The following PANX2 variants were observed in gnomAD, a reference collection of about 807,000 sequenced individuals.
PANX2 encodes the protein pannexin-2.
Under a neutral mutation model 38.7 loss-of-function variants are expected in PANX2, and 30 were observed. The observed-to-expected ratio is 0.78, with a 90% CI of 0.58 to 1.05. The LOEUF is 1.05. PANX2 is among the 50% of genes least tolerant of loss of function. PANX2 has a pLI of 0.00. For missense variants in PANX2, 880 were observed against 979.3 expected (o/e 0.90, Z 1.35); for synonymous variants, 539 against 472.1 (o/e 1.14, Z -1.84).
intron 1 of PANX2, among the ~76,000 whole-genome samples, chr22:50,172,763 C>T (rs2063639313): frequency 1.3e-5 from 2 of 149,442 alleles, no homozygotes; most frequent in Non-Finnish European, 3.0e-5. Context: ...AAGTCTCGCT[C>T]TGTCACCCAG....
In PANX2 at chr22:50,178,223, C is replaced by A. The variant is rs768269340; in HGVS notation, c.1511C>A (p.Ala504Asp). The change falls in exon 2 of 3, where the codon GCC becomes GAC. Residue 504 changes from alanine to aspartate, a missense_variant. Transcript: ENST00000395842. ...GPAPAPAPPP[A>D]PDKKHARHFS... ...GCCCCTGCCCCCGCCCCGCCGCCCG[C>A]CCCTGACAAGAAGCACGCGCGCCAC... is the stretch of plus-strand genomic sequence containing the variant. 1.3e-6 allele frequency: 2 copies of A among 1,493,548 alleles called. No individual in the cohort carries two copies. The highest frequency in any genetic ancestry group is 1.8e-6 in the Non-Finnish European group (2 of 1,130,094). 92.5% of individuals were successfully genotyped at this position (1,493,548 alleles called of 1,614,324 possible).
intron 1 of PANX2, among the ~76,000 whole-genome samples, chr22:50,173,138 C>CATCT (rs1296028141): frequency 4.6e-5 from 7 of 150,846 alleles, no homozygotes; most frequent in Non-Finnish European, 1.0e-4. Flanking sequence ...CCTCGTGATC[C>CATCT]GCCCACCTTG....
intron 1 of PANX2, among the ~76,000 whole-genome samples, chr22:50,174,422 G>A (rs2063651520): frequency 6.6e-6 from 1 of 152,190 alleles, no homozygotes; most frequent in African/African-American, 2.4e-5. Context: ...GGGCCGTGTT[G>A]GGGTGTATTC....
chr22:50,179,140 G>C lies in PANX2; in HGVS notation c.1897G>C (p.Glu633Gln), dbSNP rs541947611. The change falls in exon 3 of 3, where the codon GAG (glutamate) becomes CAG (glutamine). Residue 633 changes from glutamate to glutamine, a missense_variant. Transcript: ENST00000395842. ...HPLLHINTLYEAREEEDGGPR... is the reference protein window; with the variant it reads ...HPLLHINTLYQAREEEDGGPR... ...GCTGCTGCACATCAACACGCTGTAC[G>C]AGGCCCGGGAGGAGGAGGACGGGGG... The C allele has an allele frequency of 3.7e-6, 6 of 1,612,078 alleles. No individual in the cohort carries two copies. The African/African-American group carries it at 6.7e-5, about 18-fold the overall frequency.
At position 50,178,384 on chromosome 22, in the gene PANX2, G is replaced by C; in HGVS notation, c.1672G>C (p.Ala558Pro). 1 of 1,428,758 alleles carries C rather than the reference G, an allele frequency of 7.0e-7. No individual in the cohort carries two copies. Among genetic ancestry groups the C allele is most frequent in the Non-Finnish European group, 9.1e-7 (1 of 1,098,428 alleles). The allele number at this position is 1,428,758 out of a possible 1,614,324, so 88.5% of individuals were successfully genotyped here. A position where few individuals can be genotyped will look rare whatever the true frequency, so the allele number is the denominator to read the frequency against. ...GGCGGAGGACTGTGGGCTAGGCCTG[G>C]CCCCGGCGCCCATCAAAGGTAGGGG... The part of the protein sequence containing the change: ...SQAEDCGLGL[A>P]PAPIKDAPLP... The change falls in exon 2 of 3, where the codon GCC (alanine) becomes CCC (proline). Residue 558 changes from alanine (A) to proline (P), a missense_variant. Transcript: ENST00000395842.
In PANX2 at chr22:50,177,436, A is replaced by T; in HGVS notation, c.724A>T (p.Ile242Phe). 6.2e-7 allele frequency: 1 copy of T among 1,608,908 alleles called. No individual in the cohort carries two copies. Among genetic ancestry groups the T allele is most frequent in the Non-Finnish European group, 8.5e-7 (1 of 1,178,290 alleles). ...GATCCTGCTGCTGAGCGCCGTGCCCATCTCCTACCTGTGCACCTACTACGC... is the reference window on the plus strand; with the variant it reads ...GATCCTGCTGCTGAGCGCCGTGCCCTTCTCCTACCTGTGCACCTACTACGC... ...VLILLLSAVP[I>F]SYLCTYYATQ... The change falls in exon 2 of 3, where the codon ATC becomes TTC. Residue 242 changes from isoleucine to phenylalanine, a missense_variant. By Grantham distance (21) the Ile-to-Phe change is conservative. Transcript: ENST00000395842.
intron 1 of PANX2, among the ~76,000 whole-genome samples, chr22:50,176,358 G>A (rs1026512662): frequency 3.3e-5 from 5 of 152,232 alleles, no homozygotes; most frequent in Non-Finnish European, 7.3e-5. Context: ...CCTGGTGTCT[G>A]GTGTCCCCAG....
At chr22:50,175,555 G>A in intron 1 of PANX2, 1 of 777,276 alleles carries the variant, frequency 1.3e-6, no homozygotes, top group South Asian at 1.7e-5. Flanking sequence ...TCTTCTCTGA[G>A]CCCAGCTCAT....
At chr22:50,176,795 T>C (rs1384038105) in intron 1 of PANX2, 144 bp from the exon 2 acceptor site, 2 of 875,680 alleles carry the variant, frequency 2.3e-6, no homozygotes, top group South Asian at 1.9e-5. Context: ...GGGGTTCATC[T>C]GGGCAACCGC....
chr22:50,177,070 G>C lies in PANX2; in HGVS notation c.358G>C (p.Glu120Gln). 1 of 1,610,920 alleles carries C rather than the reference G, an allele frequency of 6.2e-7. No homozygotes were observed. Among genetic ancestry groups the C allele is most frequent in the Non-Finnish European group, 8.5e-7 (1 of 1,179,198 alleles). ...VDASLWPSLFEHKFLPYALLA... is the reference protein window; with the variant it reads ...VDASLWPSLFQHKFLPYALLA... Reference sequence around the variant, plus strand: ...CGCCAGCCTGTGGCCGTCGCTGTTTGAGCACAAGTTCCTGCCCTACGCGCT... The same window carrying C: ...CGCCAGCCTGTGGCCGTCGCTGTTTCAGCACAAGTTCCTGCCCTACGCGCT... Residue 120 changes from glutamate to glutamine, a missense_variant, in exon 2 of 3, where the codon GAG becomes CAG. Around this residue, in one of 4 missense-constraint regions of PANX2, gnomAD observed 243 missense variants for 333.1 expected, o/e 0.73. Transcript: ENST00000395842.
In PANX2 at chr22:50,178,068, G is replaced by A. The variant is rs1179172312; in HGVS notation, c.1356G>A (p.Val452=). 1.3e-6 allele frequency: 2 copies of A among 1,554,968 alleles called. No individual in the cohort carries two copies. Among genetic ancestry groups the A allele is most frequent in the East Asian group, 4.8e-5 (2 of 42,088 alleles). Residue 452 remains valine (V), a synonymous_variant, in exon 2 of 3, where the codon GTG becomes GTA. Coordinates refer to ENST00000395842, the MANE Select transcript of PANX2 (RefSeq NM_052839.4). The part of the protein sequence containing the change: ...PFKEPLAIMR[V]ENSKAEKPKP... ...AGGAGCCGCTGGCCATCATGCGCGT[G>A]GAGAACAGCAAGGCGGAGAAGCCGA...
At chr22:50,176,002 G>C (rs936023943) in intron 1 of PANX2, among the ~76,000 whole-genome samples, 1 of 152,236 alleles carries the variant, frequency 6.6e-6, no homozygotes, top group Non-Finnish European at 1.5e-5. Flanking sequence ...GCTGCTCTTT[G>C]GGGCTGGGAG....
Position 50,179,234 on chromosome 22 carries a change from C to G in PANX2, c.1991C>G (p.Thr664Ser). ...GCCCCACAGCAGATCCTCATCGCCA[C>G]CTTCGACGAGCCGAGAACGGTCGTG... The part of the protein sequence containing the change: ...IPAPQQILIA[T>S]FDEPRTVVST... Residue 664 changes from threonine (T) to serine (S), a missense_variant, in exon 3 of 3, where the codon ACC (threonine) becomes AGC (serine). Physicochemically the swap from Thr to Ser is moderately conservative, Grantham distance 58. Coordinates refer to ENST00000395842, the MANE Select transcript of PANX2 (RefSeq NM_052839.4). The G allele has an allele frequency of 6.2e-7, 1 of 1,612,716 alleles. No individual in the cohort carries two copies. Among genetic ancestry groups the G allele is most frequent in the South Asian group, 1.1e-5 (1 of 91,084 alleles).
chr22:50,171,038 G>A (rs1362923985), intron 1 of PANX2, 82 bp downstream of exon 1: 5 of 690,506 alleles, frequency 7.2e-6, no homozygotes, highest in Non-Finnish European at 8.6e-6. Flanking sequence ...CCGCGTCCCC[G>A]GCGGCTCCGT....
Position 50,177,941 on chromosome 22 carries a change from ACCCCGCCGAGCCCGACGG to A in PANX2, c.1231_1248del (p.Pro411_Gly416del). On this transcript the variant is annotated inframe_deletion, in exon 2 of 3. Transcript: ENST00000395842. ...GTGCAGACCGTGGACCCCAGCGCCA[ACCCCGCCGAGCCCGACGG>A]CGCCGCCGAGCCGCCCGTGGTCAAG... 1 of 1,530,720 alleles carries A rather than the reference ACCCCGCCGAGCCCGACGG, an allele frequency of 6.5e-7. No homozygotes were observed. The highest frequency in any genetic ancestry group is 8.7e-7 in the Non-Finnish European group (1 of 1,143,430). 94.8% of individuals were successfully genotyped at this position (1,530,720 alleles called of 1,614,324 possible). A position where few individuals can be genotyped will look rare whatever the true frequency, so the allele number is the denominator to read the frequency against.
intron 1 of PANX2, among the ~76,000 whole-genome samples, chr22:50,172,442 T>C (rs1338167577): frequency 2.0e-5 from 3 of 151,990 alleles, no homozygotes; most frequent in African/African-American, 4.8e-5. Context: ...CAAATTTCCT[T>C]TTTTTTTGAG....
intron 1 of PANX2, among the ~76,000 whole-genome samples, chr22:50,174,249 C>T (rs2063650397): frequency 6.6e-6 from 1 of 152,058 alleles, no homozygotes; most frequent in African/African-American, 2.4e-5. Context: ...CCCAGCTTCA[C>T]CCTTGGGGGG....
chr22:50,178,155 C>G lies in PANX2; in HGVS notation c.1443C>G (p.Ala481=). 6.6e-7 allele frequency: 1 copy of G among 1,518,568 alleles called. No homozygotes were observed. Among genetic ancestry groups the G allele is most frequent in the Non-Finnish European group, 8.8e-7 (1 of 1,141,058 alleles). 94.1% of individuals were successfully genotyped at this position (1,518,568 alleles called of 1,614,324 possible). A position where few individuals can be genotyped will look rare whatever the true frequency, so the allele number is the denominator to read the frequency against. Residue 481 remains alanine (A), a synonymous_variant, in exon 2 of 3, where the codon GCC becomes GCG. Coordinates refer to ENST00000395842, the MANE Select transcript of PANX2 (RefSeq NM_052839.4). The part of the protein sequence containing the change: ...TLIAPLLDRS[A]HHYKGGGGDP... ...TCGCGCCGCTGCTGGACCGCTCCGC[C>G]CACCACTACAAGGGCGGAGGGGGCG...
chr22:50,175,811 C>T (rs1431060305), intron 1 of PANX2, among the ~76,000 whole-genome samples: 2 of 152,220 alleles, frequency 1.3e-5, no homozygotes, highest in Non-Finnish European at 2.9e-5. Context: ...GCTGGAGGTG[C>T]CCAGCCCCTG....
Sources: allele counts gnomAD v4.1 joint callset (sites outside exome capture counted in the v4.1 genomes callset), GRCh38; gene constraint gnomAD v4.1.1; regional missense constraint gnomAD v4.1.1; transcripts MANE v1.5; gene names NCBI Gene and HGNC (gene_info 2026-07-23, HGNC 2026-07-21).